Variants in NAV1 observed in about 807,000 individuals in gnomAD.
The protein encoded by NAV1 is neuron navigator 1.
A neutral mutation model predicts 175.2 loss-of-function variants in NAV1; 18 were observed. The observed-to-expected ratio is 0.10, with a 90% CI of 0.07 to 0.15. The LOEUF (loss-of-function observed/expected upper bound fraction) is 0.15, where lower values mean the gene tolerates loss of function less well. NAV1 is among the 10% of genes least tolerant of loss of function. The pLI is 1.00. For missense variants in NAV1, 1,731 were observed against 2,436.6 expected, an observed-to-expected ratio of 0.71 and a Z score of 6.10; for synonymous variants, 897 against 978.7, an observed-to-expected ratio of 0.92 and a Z score of 1.56.
chr1:201,594,431 G>A (rs1373862379), intron 2 of NAV1, among the ~76,000 whole-genome samples: 1 of 152,180 alleles, frequency 6.6e-6, no homozygotes, highest in African/African-American at 2.4e-5. Flanking sequence ...GGGAGCCTTA[G>A]GAGCCAGCTT....
At chr1:201,588,423 C>A (rs1282425484) in intron 1 of NAV1, among the ~76,000 whole-genome samples, 116 bp from the exon 2 acceptor site, 1 of 152,196 alleles carries the variant, frequency 6.6e-6, no homozygotes, top group Non-Finnish European at 1.5e-5. Flanking sequence ...TCATAGCTCA[C>A]TGCAGCCTCA....
chr1:201,777,937 AAGAG>A (rs901589563), intron 3 of NAV1, among the ~76,000 whole-genome samples: 4 of 151,702 alleles, frequency 2.6e-5, no homozygotes, highest in African/African-American at 7.3e-5. Context: ...GAAAGAAAGA[AAGAG>A]AGAGAGAGAG....
chr1:201,667,136 T>A (rs1447630932), intron 1 of NAV1, among the ~76,000 whole-genome samples: 2 of 152,160 alleles, frequency 1.3e-5, no homozygotes, highest in East Asian at 3.9e-4. Flanking sequence ...AAGTGCAAAC[T>A]CTTTCATTTT....
At chr1:201,607,465 A>C (rs1253043150) in intron 2 of NAV1, among the ~76,000 whole-genome samples, 1 of 151,700 alleles carries the variant, frequency 6.6e-6, no homozygotes, top group African/African-American at 2.4e-5. Context: ...TCTACTAACA[A>C]GTATGTTTTT....
intron 2 of NAV1, among the ~76,000 whole-genome samples, chr1:201,713,732 C>T (rs1004045258): frequency 1.3e-5 from 2 of 152,110 alleles, no homozygotes; most frequent in Non-Finnish European, 2.9e-5. Flanking sequence ...GGCAGGAAGG[C>T]TGTGTGAGGG....
At chr1:201,614,167 C>T (rs1001950982) in intron 2 of NAV1, among the ~76,000 whole-genome samples, 1 of 152,154 alleles carries the variant, frequency 6.6e-6, no homozygotes, top group Non-Finnish European at 1.5e-5. Flanking sequence ...GATACTCCAG[C>T]CCTTTACTGT....
chr1:201,789,725 C>T lies in NAV1; in HGVS notation c.3167-15C>T. On this transcript the variant is annotated splice_polypyrimidine_tract_variant and intron_variant, in intron 10 of 29. Transcript: ENST00000367296. ...GAACCCACTGTTAACTCTTTGTGTT[C>T]TCCTTCTCTTTCAGTTCACGGCTCA... 6.2e-7 allele frequency: 1 copy of T among 1,613,866 alleles called. No homozygotes were observed. Among genetic ancestry groups the T allele is most frequent in the Non-Finnish European group, 8.5e-7 (1 of 1,179,768 alleles).
chr1:201,743,845 A>C (rs1277424247), intron 3 of NAV1, among the ~76,000 whole-genome samples: 1 of 152,172 alleles, frequency 6.6e-6, no homozygotes, highest in Non-Finnish European at 1.5e-5. Context: ...CCTGGTTCGG[A>C]TAGCAATTTA....
chr1:201,616,225 C>T (rs911543339), intron 2 of NAV1, among the ~76,000 whole-genome samples: 3 of 152,254 alleles, frequency 2.0e-5, no homozygotes, highest in Middle Eastern at 6.8e-3. Flanking sequence ...GACAGAGCCA[C>T]GCTTTGGACC....
chr1:201,818,605 C>A (rs777039915), intron 29 of NAV1, among the ~76,000 whole-genome samples: 4 of 151,736 alleles, frequency 2.6e-5, no homozygotes, highest in Non-Finnish European at 5.9e-5. Context: ...TAAAAGGATC[C>A]TCTGCCTCTC....
At chr1:201,596,299 C>T (rs1558011598) in intron 2 of NAV1, among the ~76,000 whole-genome samples, 3 of 152,240 alleles carry the variant, frequency 2.0e-5, no homozygotes, top group Admixed American at 1.3e-4. Flanking sequence ...AGGGCACCTT[C>T]GTGTATCTCT....
chr1:201,799,108 G>A (rs1364904158), intron 15 of NAV1, among the ~76,000 whole-genome samples: 4 of 151,950 alleles, frequency 2.6e-5, no homozygotes, highest in African/African-American at 7.2e-5. Flanking sequence ...AGAAAAGAAA[G>A]AATACTCTGA....
intron 3 of NAV1, among the ~76,000 whole-genome samples, chr1:201,739,103 C>T (rs1673243380): frequency 6.6e-6 from 1 of 152,162 alleles, no homozygotes; most frequent in Non-Finnish European, 1.5e-5. Flanking sequence ...CTGGATCCCA[C>T]TGTTTTTTTC....
At chr1:201,608,281 T>C (rs1164155519) in intron 2 of NAV1, among the ~76,000 whole-genome samples, 2 of 152,152 alleles carry the variant, frequency 1.3e-5, no homozygotes, top group African/African-American at 4.8e-5. Flanking sequence ...CCAAAACTTA[T>C]AAAAAGTGAA....
chr1:201,811,888 C>A lies in NAV1; in HGVS notation c.4953-15C>A. On this transcript the variant is annotated splice_polypyrimidine_tract_variant and intron_variant, in intron 25 of 29. Coordinates refer to ENST00000367296, the Ensembl canonical transcript of NAV1. ...GGCAAGTCTAAGTGAATCTTTTTCC[C>A]CTTTCTCCCTACAGTCCCTATATTA... 6.2e-7 allele frequency: 1 copy of A among 1,613,908 alleles called. No homozygotes were observed. The highest frequency in any genetic ancestry group is 8.5e-7 in the Non-Finnish European group (1 of 1,179,836).
At chr1:201,550,066 A>C (rs1217242781) in intron 1 of NAV1, among the ~76,000 whole-genome samples, 1 of 150,522 alleles carries the variant, frequency 6.6e-6, no homozygotes, top group East Asian at 2.0e-4. Flanking sequence ...ATGCTCACCC[A>C]GAAAGAGCTC....
intron 3 of NAV1, among the ~76,000 whole-genome samples, chr1:201,753,798 AGG>A (rs1169126686): frequency 6.6e-6 from 1 of 152,222 alleles, no homozygotes; most frequent in Non-Finnish European, 1.5e-5. Context: ...GGTTACATAA[AGG>A]GCTAGCTTCT....
rs138764444 is a variant in NAV1 at position 201,595,932 on chromosome 1, G to A, written c.-33+7283G>A. Reference sequence around the variant, plus strand: ...GTGGTTAACTTCGCTTCGGGACTGCGTCCTCTTCAGTTATGTGCATCACTC... The same window carrying A: ...GTGGTTAACTTCGCTTCGGGACTGCATCCTCTTCAGTTATGTGCATCACTC... On this transcript the variant is annotated intron_variant, in intron 2 of 33. Coordinates refer to the NAV1 transcript ENST00000685211. Among the ~76,000 whole-genome samples the A allele has an allele frequency of 1.8e-3, 269 of 152,316 alleles. 1 individual carries two copies. The highest frequency in any genetic ancestry group is 6.1e-3 in the African/African-American group (255 of 41,564).
At chr1:201,652,751 G>A (rs1054828803) in intron 1 of NAV1, among the ~76,000 whole-genome samples, 2 of 147,810 alleles carry the variant, frequency 1.4e-5, no homozygotes, top group Non-Finnish European at 3.0e-5. Flanking sequence ...CCTGGAAAAT[G>A]TTCCAAGTGG....
Sources: allele counts gnomAD v4.1 joint callset (sites outside exome capture counted in the v4.1 genomes callset), GRCh38; gene constraint gnomAD v4.1.1; transcripts MANE v1.5; gene names NCBI Gene and HGNC (gene_info 2026-07-23, HGNC 2026-07-21).